The following TAFA4 variants were observed in gnomAD, a reference collection of about 807,000 sequenced individuals.
The protein encoded by TAFA4 is chemokine-like protein TAFA-4.
TAFA4 carries 20 observed loss-of-function variants against 21.1 expected under a neutral mutation model. The observed-to-expected ratio is 0.95, with a 90% CI of 0.67 to 1.38. TAFA4 has a LOEUF of 1.38. TAFA4 is among the 40% of genes most tolerant of loss of function. The probability of loss-of-function intolerance (pLI) is 0.00; values close to 1 mark genes in which losing one functional copy is unlikely to be tolerated. For synonymous variants in TAFA4, 71 were observed against 67.4 expected, an observed-to-expected ratio of 1.05 and a Z score of -0.26; for missense variants, 211 against 180.9, an observed-to-expected ratio of 1.17 and a Z score of -0.95.
chr3:68,871,267 T>G (rs2089479883), intron 3 of TAFA4, among the ~76,000 whole-genome samples: 1 of 152,112 alleles, frequency 6.6e-6, no homozygotes, highest in Non-Finnish European at 1.5e-5. Context: ...GAATGTTTAT[T>G]GCAGCACTAT....
chr3:68,921,571 C>A (rs955167392), intron 1 of TAFA4, among the ~76,000 whole-genome samples: 5 of 152,180 alleles, frequency 3.3e-5, no homozygotes, highest in East Asian at 1.9e-4. Context: ...CTTTCCATAC[C>A]CCCTCAAGTC....
At chr3:68,866,693 A>C (rs1559548080) in intron 3 of TAFA4, among the ~76,000 whole-genome samples, 1 of 138,732 alleles carries the variant, frequency 7.2e-6, no homozygotes, top group Non-Finnish European at 1.6e-5. Flanking sequence ...GCAAACTCAC[A>C]AAAAAAAAAA....
At chr3:68,868,878 T>C (rs1312930511) in intron 3 of TAFA4, among the ~76,000 whole-genome samples, 2 of 151,672 alleles carry the variant, frequency 1.3e-5, no homozygotes, top group Admixed American at 1.3e-4. Context: ...AATGAAATAA[T>C]ACCAGAGCAG....
intron 3 of TAFA4, among the ~76,000 whole-genome samples, chr3:68,847,087 A>C (rs1032147030): frequency 1.3e-5 from 2 of 152,174 alleles, no homozygotes; most frequent in Non-Finnish European, 2.9e-5. Context: ...AGCAGGCAGG[A>C]AAGTTTAAAT....
intron 3 of TAFA4, among the ~76,000 whole-genome samples, chr3:68,769,172 C>T (rs939069943): frequency 3.3e-5 from 5 of 152,118 alleles, no homozygotes; most frequent in African/African-American, 1.2e-4. Context: ...CTGAGCACTG[C>T]CTCCTGTAAA....
chr3:68,781,597 T>A (rs942921512), intron 3 of TAFA4, among the ~76,000 whole-genome samples: 11 of 152,072 alleles, frequency 7.2e-5, no homozygotes, highest in Admixed American at 2.6e-4. Context: ...TATCTCTATA[T>A]CAAATAAATT....
At chr3:68,924,603 C>T (rs1236112236) in intron 1 of TAFA4, among the ~76,000 whole-genome samples, 1 of 152,148 alleles carries the variant, frequency 6.6e-6, no homozygotes, top group African/African-American at 2.4e-5. Flanking sequence ...CTGAAATGTA[C>T]ACTTGAAAAC....
At chr3:68,813,935 G>A (rs551172951) in intron 3 of TAFA4, among the ~76,000 whole-genome samples, 29 of 152,244 alleles carry the variant, frequency 1.9e-4, no homozygotes, top group East Asian at 7.7e-4. Flanking sequence ...CTGGCAAACC[G>A]AATCCAGCAG....
At chr3:68,931,694 G>T (rs1317514711) in intron 1 of TAFA4, among the ~76,000 whole-genome samples, 1 of 146,658 alleles carries the variant, frequency 6.8e-6, no homozygotes, top group African/African-American at 2.5e-5. Context: ...GAAGCTTTGC[G>T]CTCCCAGCTG....
At position 68,747,100 on chromosome 3, in the gene TAFA4, C is replaced by T. The variant is rs529033770; in HGVS notation, c.286+5763G>A. Among the ~76,000 whole-genome samples the T allele has an allele frequency of 3.3e-5, 5 of 152,312 alleles. No individual in the cohort carries two copies. In the South Asian group the frequency reaches 1.0e-3, roughly 32 times the overall value. On this transcript the variant is annotated intron_variant, in intron 4 of 5. Transcript: ENST00000295569. ...CTCAAAACGAGAGGTTGTGCTAGTT[C>T]ATCAGACCTGCTCAAAGCTCTTACT...
At chr3:68,749,189 GC>G (rs1453046940) in intron 4 of TAFA4, among the ~76,000 whole-genome samples, 1 of 152,096 alleles carries the variant, frequency 6.6e-6, no homozygotes, top group Non-Finnish European at 1.5e-5. Flanking sequence ...AAAAAGTTTG[GC>G]AGAAGGGGAA....
intron 3 of TAFA4, among the ~76,000 whole-genome samples, chr3:68,794,620 C>T (rs956288256): frequency 2.0e-5 from 3 of 152,154 alleles, no homozygotes; most frequent in African/African-American, 7.2e-5. Context: ...GTGTAGTGAT[C>T]TCACTAGTGA....
chr3:68,768,258 T>TA (rs934233082), intron 3 of TAFA4, among the ~76,000 whole-genome samples: 3 of 151,806 alleles, frequency 2.0e-5, no homozygotes, highest in African/African-American at 7.3e-5. Flanking sequence ...AACTCAATAG[T>TA]AAAAAAGGCA....
intron 3 of TAFA4, among the ~76,000 whole-genome samples, chr3:68,770,848 G>C (rs1260251920): frequency 6.6e-6 from 1 of 152,164 alleles, no homozygotes; most frequent in Non-Finnish European, 1.5e-5. Flanking sequence ...CCTAAATGAA[G>C]ACAGGCATTT....
At chr3:68,802,727 G>A (rs1439072933) in intron 3 of TAFA4, among the ~76,000 whole-genome samples, 1 of 152,142 alleles carries the variant, frequency 6.6e-6, no homozygotes, top group African/African-American at 2.4e-5. Context: ...GACACATATA[G>A]AGAAATGAGA....
At chr3:68,777,166 C>T (rs982010245) in intron 3 of TAFA4, among the ~76,000 whole-genome samples, 3 of 151,904 alleles carry the variant, frequency 2.0e-5, no homozygotes, top group African/African-American at 7.2e-5. Flanking sequence ...TTTTAATCTT[C>T]ATACTATAAC....
At chr3:68,884,809 G>A (rs2089654190) in intron 2 of TAFA4, among the ~76,000 whole-genome samples, 1 of 152,180 alleles carries the variant, frequency 6.6e-6, no homozygotes, top group Non-Finnish European at 1.5e-5. Flanking sequence ...ACAAGTTGCT[G>A]GGTTAGTAGC....
At chr3:68,904,108 T>C (rs921087735) in intron 1 of TAFA4, among the ~76,000 whole-genome samples, 4 of 151,678 alleles carry the variant, frequency 2.6e-5, no homozygotes, top group African/African-American at 4.8e-5. Context: ...GAAAGCTCCA[T>C]CGTTTCAAGT....
In TAFA4 at chr3:68,849,044, TA is replaced by T. The variant is rs552005881; in HGVS notation, c.130+31685del. Among the ~76,000 whole-genome samples, 82 of 152,212 alleles carry T rather than the reference TA, an allele frequency of 5.4e-4. 1 individual carries two copies. The South Asian group carries it at 0.014, about 27-fold the overall frequency. On this transcript the variant is annotated intron_variant, in intron 3 of 5. Coordinates refer to ENST00000295569, the MANE Select transcript of TAFA4 (RefSeq NM_182522.5). Reference sequence around the variant, plus strand: ...CATGAGCTATCCTTCTAGAATGGAATAAAAAAAATTCTTCCTGATAAAAATA... The same window carrying T: ...CATGAGCTATCCTTCTAGAATGGAATAAAAAAATTCTTCCTGATAAAAATA...
Sources: allele counts gnomAD v4.1 joint callset (sites outside exome capture counted in the v4.1 genomes callset), GRCh38; gene constraint gnomAD v4.1.1; transcripts MANE v1.5; gene names NCBI Gene and HGNC (gene_info 2026-07-23, HGNC 2026-07-21).